The following CAMSAP2 variants were observed in gnomAD, a reference collection of about 807,000 sequenced individuals.
The protein encoded by CAMSAP2 is calmodulin-regulated spectrin-associated protein 2.
CAMSAP2 carries 26 observed loss-of-function variants against 146.1 expected under a neutral mutation model. The observed-to-expected ratio is 0.18, with a 90% CI of 0.13 to 0.25. CAMSAP2 has a LOEUF of 0.25. Ranked by LOEUF, CAMSAP2 falls within the 10% of genes least tolerant of loss-of-function variation. The pLI, the probability that CAMSAP2 is intolerant of heterozygous loss-of-function variation, is 1.00. For synonymous variants in CAMSAP2, 499 were observed against 596.6 expected (o/e 0.84, Z 2.38); for missense variants, 1,381 against 1,759.3 (o/e 0.78, Z 3.85).
At chr1:200,845,806 T>G (rs1045711990) in intron 8 of CAMSAP2, among the ~76,000 whole-genome samples, 6 of 152,200 alleles carry the variant, frequency 3.9e-5, no homozygotes, top group Non-Finnish European at 1.5e-5. Flanking sequence ...AATAGAATAT[T>G]TATTACAATA....
rs769030527 is a variant in CAMSAP2 at position 200,853,323 on chromosome 1, C to T, written c.3651C>T (p.Arg1217=). ...AGAAGAAAGAAGATGAGAGAGCACGCAGAGAATTTATTAGGCAAGAATATA... is the reference window on the plus strand; with the variant it reads ...AGAAGAAAGAAGATGAGAGAGCACGTAGAGAATTTATTAGGCAAGAATATA... ...ERQKKEDERA[R]REFIRQEYMR... The change falls in exon 13 of 17, where the codon CGC becomes CGT. Residue 1217 remains arginine (R), a synonymous_variant. Transcript: ENST00000358823. The surrounding 1 kb of genome is among the most constrained non-coding windows in gnomAD (Gnocchi z 5.1). 2 of 1,613,576 alleles carry T rather than the reference C, an allele frequency of 1.2e-6. No homozygotes were observed. The highest frequency in any genetic ancestry group is 1.1e-5 in the South Asian group (1 of 91,052).
At chr1:200,808,980 T>A (rs1343775610) in intron 3 of CAMSAP2, among the ~76,000 whole-genome samples, 1 of 152,230 alleles carries the variant, frequency 6.6e-6, no homozygotes, top group Non-Finnish European at 1.5e-5. Context: ...GAGGCAAATA[T>A]TGCTGGAGAA....
chr1:200,827,371 T>C (rs1050871720), intron 4 of CAMSAP2, among the ~76,000 whole-genome samples: 3 of 152,180 alleles, frequency 2.0e-5, no homozygotes, highest in Admixed American at 6.5e-5. Flanking sequence ...TCTTCTAGTC[T>C]AGAAAACAAA....
chr1:200,740,122 T>A (rs1664114468), intron 1 of CAMSAP2, among the ~76,000 whole-genome samples, 156 bp downstream of exon 1: 2 of 151,954 alleles, frequency 1.3e-5, no homozygotes, highest in Admixed American at 1.3e-4. Context: ...AAAGGAGAAA[T>A]AAGGAAAGCA....
At chr1:200,751,446 G>A (rs1367073225) in intron 1 of CAMSAP2, among the ~76,000 whole-genome samples, 1 of 139,954 alleles carries the variant, frequency 7.1e-6, no homozygotes, top group Non-Finnish European at 1.5e-5. Flanking sequence ...TGAGACAGGA[G>A]AAGCACTTGA....
chr1:200,809,435 C>T (rs1375886885), intron 3 of CAMSAP2, among the ~76,000 whole-genome samples: 1 of 128,734 alleles, frequency 7.8e-6, no homozygotes. Flanking sequence ...AGTCCATTTT[C>T]TTCTTGTAAC....
chr1:200,815,383 T>C lies in CAMSAP2; in HGVS notation c.562-178T>C, dbSNP rs186621120. Among the ~76,000 whole-genome samples the C allele has an allele frequency of 4.6e-5, 7 of 152,318 alleles. No homozygotes were observed. In the East Asian group the frequency reaches 7.7e-4, roughly 17 times the overall value. Reference sequence around the variant, plus strand: ...AATGAATTCTAGAATATCAAATAAGTACCCATAAACTATTTTTTTCTGATT... The same window carrying C: ...AATGAATTCTAGAATATCAAATAAGCACCCATAAACTATTTTTTTCTGATT... On this transcript the variant is annotated intron_variant, in intron 3 of 16. Transcript: ENST00000358823.
In CAMSAP2 at chr1:200,830,299, CTGTGTGTG is replaced by C. The variant is rs3081676; in HGVS notation, c.646-1886_646-1879del. ...TACTTATTGCTAATGTCATATAAAGCTGTGTGTGTGTGTGTGTGTGTGCACGTGCACAT... is the reference window on the plus strand; with the variant it reads ...TACTTATTGCTAATGTCATATAAAGCTGTGTGTGTGTGTGCACGTGCACAT... On this transcript the variant is annotated intron_variant, in intron 4 of 16. Coordinates refer to ENST00000358823, the MANE Select transcript of CAMSAP2 (RefSeq NM_203459.4). Among the ~76,000 whole-genome samples, 887 of 150,604 alleles carry C rather than the reference CTGTGTGTG, an allele frequency of 5.9e-3. 7 individuals are homozygous for C. The highest frequency in any genetic ancestry group is 0.019 in the African/African-American group (801 of 41,162).
intron 2 of CAMSAP2, among the ~76,000 whole-genome samples, chr1:200,803,971 G>A (rs371905613): frequency 6.6e-5 from 10 of 151,694 alleles, no homozygotes; most frequent in Middle Eastern, 3.4e-3. Flanking sequence ...CTGTTGCCCA[G>A]GCTGGAGTGC....
At chr1:200,771,224 A>C (rs547774127) in intron 2 of CAMSAP2, among the ~76,000 whole-genome samples, 2 of 152,216 alleles carry the variant, frequency 1.3e-5, no homozygotes, top group African/African-American at 4.8e-5. Context: ...TATAAGAGAT[A>C]TATCTTGTTT....
chr1:200,828,216 G>C lies in CAMSAP2; in HGVS notation c.646-3984G>C, dbSNP rs1666951992. Reference sequence around the variant, plus strand: ...CCTAAGAATTATGATTGCAAACCTAGCTGTAGAATATTTTTACTTCCCTTT... The same window carrying C: ...CCTAAGAATTATGATTGCAAACCTACCTGTAGAATATTTTTACTTCCCTTT... On this transcript the variant is annotated intron_variant, in intron 4 of 16. Transcript: ENST00000358823. 5.9e-5 allele frequency among the ~76,000 whole-genome samples: 9 copies of C among 152,160 alleles called. No homozygotes were observed. In the South Asian group the frequency reaches 1.9e-3, roughly 32 times the overall value.
intron 6 of CAMSAP2, 142 bp from the exon 7 acceptor site, chr1:200,841,852 C>A: frequency 1.6e-6 from 1 of 611,126 alleles, no homozygotes; most frequent in South Asian, 2.1e-5. Flanking sequence ...GTTAATATTC[C>A]ATCCCATGTT....
At position 200,848,132 on chromosome 1, in the gene CAMSAP2, G is replaced by A; in HGVS notation, c.1363G>A (p.Glu455Lys). The change falls in exon 11 of 17, where the codon GAA becomes AAA. Residue 455 changes from glutamate to lysine, a missense_variant. Around this residue, in one of 4 missense-constraint regions of CAMSAP2, gnomAD observed 447 missense variants for 462.2 expected, o/e 0.97. Coordinates refer to ENST00000358823, the MANE Select transcript of CAMSAP2 (RefSeq NM_203459.4). ...NRGITRSISN[E>K]GLTLNNSHVS... Reference sequence around the variant, plus strand: ...AGGAATCACTCGTTCTATTAGTAATGAAGGACTTACTCTGAACAACAGTCA... The same window carrying A: ...AGGAATCACTCGTTCTATTAGTAATAAAGGACTTACTCTGAACAACAGTCA... The A allele has an allele frequency of 1.2e-6, 2 of 1,612,920 alleles. No individual in the cohort carries two copies. Among genetic ancestry groups the A allele is most frequent in the African/African-American group, 1.3e-5 (1 of 74,978 alleles).
intron 2 of CAMSAP2, among the ~76,000 whole-genome samples, chr1:200,787,506 AT>A (rs1665627607): frequency 6.6e-6 from 1 of 152,324 alleles, no homozygotes; most frequent in Admixed American, 6.5e-5. Flanking sequence ...CATTATCAAA[AT>A]TGTCTGGATG....
At position 200,849,267 on chromosome 1, in the gene CAMSAP2, C is replaced by T. The variant is rs1297947457; in HGVS notation, c.2498C>T (p.Ser833Leu). The change falls in exon 11 of 17, where the codon TCA becomes TTA. Residue 833 changes from serine to leucine, a missense_variant. By Grantham distance (145) the Ser-to-Leu change is moderately radical (BLOSUM62 -2). Coordinates refer to ENST00000358823, the MANE Select transcript of CAMSAP2 (RefSeq NM_203459.4). The surrounding 1 kb of genome is among the most constrained non-coding windows in gnomAD (Gnocchi z 6.3). Reference sequence around the variant, plus strand: ...AAAACTGATGGACAAAGGAGCAAGTCACTGGCAGATATAAAAGAGAGCATG... The same window carrying T: ...AAAACTGATGGACAAAGGAGCAAGTTACTGGCAGATATAAAAGAGAGCATG... Reference protein sequence around the residue: ...SQKTDGQRSKSLADIKESMEN... With the variant: ...SQKTDGQRSKLLADIKESMEN... 4.3e-6 allele frequency: 7 copies of T among 1,613,770 alleles called. No individual in the cohort carries two copies. The highest frequency in any genetic ancestry group is 1.3e-5 in the African/African-American group (1 of 74,906).
chr1:200,788,683 C>T (rs926141596), intron 2 of CAMSAP2, among the ~76,000 whole-genome samples: 5 of 149,790 alleles, frequency 3.3e-5, no homozygotes, highest in Non-Finnish European at 7.4e-5. Context: ...CCCTGTTGCC[C>T]AGACTGGAAG....
At chr1:200,781,736 G>T (rs946373106) in intron 2 of CAMSAP2, among the ~76,000 whole-genome samples, 3 of 151,910 alleles carry the variant, frequency 2.0e-5, no homozygotes, top group Non-Finnish European at 4.4e-5. Flanking sequence ...TAGAGACAGG[G>T]TTTTGCCATG....
Position 200,857,809 on chromosome 1 carries a change from G to T in CAMSAP2, c.4187G>T (p.Cys1396Phe), listed in dbSNP as rs748756118. The T allele has an allele frequency of 1.2e-6, 2 of 1,611,948 alleles. No individual in the cohort carries two copies. The highest frequency in any genetic ancestry group is 2.7e-5 in the African/African-American group (2 of 74,828). ...NFLILFRDSG[C>F]QFRSLYTYCP... ...TTAATCTTGTTCCGGGATTCAGGAT[G>T]CCAGTTCAGATCTTTATACACTTAT... Residue 1396 changes from cysteine (C) to phenylalanine (F), a missense_variant, in exon 17 of 17, where the codon TGC (cysteine) becomes TTC (phenylalanine). By Grantham distance (205) the Cys-to-Phe change is radical. Transcript: ENST00000358823. The surrounding 1 kb of genome is among the most constrained non-coding windows in gnomAD (Gnocchi z 4.7).
intron 4 of CAMSAP2, among the ~76,000 whole-genome samples, chr1:200,823,981 A>G (rs1666838862): frequency 6.6e-6 from 1 of 152,114 alleles, no homozygotes; most frequent in Admixed American, 6.5e-5. Flanking sequence ...TTGTTGCTCA[A>G]AATTTTACAG....
Sources: allele counts gnomAD v4.1 joint callset (sites outside exome capture counted in the v4.1 genomes callset), GRCh38; gene constraint gnomAD v4.1.1; regional missense constraint gnomAD v4.1.1; non-coding constraint Gnocchi (gnomAD v3.1); transcripts MANE v1.5; gene names NCBI Gene and HGNC (gene_info 2026-07-23, HGNC 2026-07-21).